The following BRPF3 variants were observed in gnomAD, a reference collection of about 807,000 sequenced individuals.
The protein encoded by BRPF3 is bromodomain and PHD finger containing 3.
BRPF3 carries 18 observed loss-of-function variants against 102.0 expected under a neutral mutation model. That is an observed-to-expected ratio of 0.18 (90% CI 0.12 to 0.26). The LOEUF is 0.26. Among genes scored for constraint, BRPF3 ranks in the 10% least tolerant of loss-of-function variants. The probability of loss-of-function intolerance (pLI) is 1.00; values close to 1 mark genes in which losing one functional copy is unlikely to be tolerated. For synonymous variants in BRPF3, 570 were observed against 614.2 expected, an observed-to-expected ratio of 0.93 and a Z score of 1.06; for missense variants, 1,147 against 1,567.8, an observed-to-expected ratio of 0.73 and a Z score of 4.53.
intron 10 of BRPF3, among the ~76,000 whole-genome samples, chr6:36,223,743 T>G (rs779186393): frequency 2.0e-5 from 3 of 152,248 alleles, no homozygotes; most frequent in Non-Finnish European, 2.9e-5. Context: ...GTTTCCGGCT[T>G]TTAGCATTAT....
At chr6:36,221,938 TC>T (rs1768559500) in intron 9 of BRPF3, among the ~76,000 whole-genome samples, 1 of 152,168 alleles carries the variant, frequency 6.6e-6, no homozygotes, top group African/African-American at 2.4e-5. Flanking sequence ...AGCAACTCCT[TC>T]CAGGTTCAGT....
Position 36,214,105 on chromosome 6 carries a change from G to A in BRPF3, c.2708G>A (p.Gly903Asp), listed in dbSNP as rs145189856. The A allele has an allele frequency of 2.1e-4, 343 of 1,614,100 alleles. No individual in the cohort carries two copies. Among genetic ancestry groups the A allele is most frequent in the Admixed American group, 4.7e-4 (28 of 60,010 alleles). The change falls in exon 8 of 13, where the codon GGC (glycine) becomes GAC (aspartate). Residue 903 changes from glycine (G) to aspartate (D), a missense_variant. Gly to Asp is a moderately conservative substitution (Grantham distance 94, BLOSUM62 -1). Coordinates refer to ENST00000357641, the MANE Select transcript of BRPF3 (RefSeq NM_015695.3). ...TTGCAACGCTTGCTCAGTGACAATG[G>A]CATCAACAGACTATCCCTCATGGCC... Reference protein sequence around the residue: ...EPLQRLLSDNGINRLSLMAPD... With the variant: ...EPLQRLLSDNDINRLSLMAPD...
At chr6:36,211,775 A>T (rs1768125746) in intron 7 of BRPF3, among the ~76,000 whole-genome samples, 1 of 152,228 alleles carries the variant, frequency 6.6e-6, no homozygotes, top group Non-Finnish European at 1.5e-5. Flanking sequence ...ATCTCAGTAG[A>T]TGTTGGCTGT....
At chr6:36,225,401 T>A in intron 11 of BRPF3, 37 bp downstream of exon 11, 1 of 1,550,984 alleles carries the variant, frequency 6.4e-7, no homozygotes, top group Non-Finnish European at 8.8e-7. Context: ...CTATCTCCCC[T>A]GCCTTGCCTT....
chr6:36,209,662 G>A (rs1768025597), intron 4 of BRPF3, 125 bp from the exon 5 acceptor site: 1 of 1,219,464 alleles, frequency 8.2e-7, no homozygotes. Flanking sequence ...CTCATATACT[G>A]GTCAGCTTAA....
At position 36,209,736 on chromosome 6, in the gene BRPF3, A is replaced by G. The variant is rs141485133; in HGVS notation, c.1738-51A>G. On this transcript the variant is annotated intron_variant, in intron 4 of 12. Transcript: ENST00000357641. ...CAAACTATCAAGAAAAAGTTTCAGT[A>G]CATCTTTGCAGGGGATGTTCTGATC... is the stretch of plus-strand genomic sequence containing the variant. The G allele has an allele frequency of 1.9e-4, 302 of 1,567,372 alleles. No individual in the cohort carries two copies. The African/African-American group carries it at 2.6e-3, about 14-fold the overall frequency.
intron 7 of BRPF3, among the ~76,000 whole-genome samples, chr6:36,212,901 C>T (rs1366414873): frequency 4.6e-5 from 7 of 151,438 alleles, no homozygotes; most frequent in East Asian, 1.9e-4. Flanking sequence ...TGCAGTGAGC[C>T]GAGATTGCGC....
At chr6:36,204,349 G>GT (rs1042114642) in intron 2 of BRPF3, 19 of 367,114 alleles carry the variant, frequency 5.2e-5, no homozygotes, top group African/African-American at 3.8e-4. Flanking sequence ...GCATAGGCTT[G>GT]TTTTTCAGTC....
rs761570581 is a variant in BRPF3 at position 36,225,247 on chromosome 6, C to T, written c.3182-20C>T. Reference sequence around the variant, plus strand: ...CCAAGTCCCCTTTGGGTGCTGTCTCCTCCCCTCCCCCACCCCCAGGCAGAA... The same window carrying T: ...CCAAGTCCCCTTTGGGTGCTGTCTCTTCCCCTCCCCCACCCCCAGGCAGAA... On this transcript the variant is annotated intron_variant, in intron 10 of 12. Coordinates refer to ENST00000357641, the MANE Select transcript of BRPF3 (RefSeq NM_015695.3). 2 of 1,599,062 alleles carry T rather than the reference C, an allele frequency of 1.3e-6. No homozygotes were observed.
At chr6:36,218,094 C>T (rs1768397058) in intron 9 of BRPF3, 84 bp downstream of exon 9, 1 of 1,209,818 alleles carries the variant, frequency 8.3e-7, no homozygotes, top group African/African-American at 1.5e-5. Context: ...GAACCTCTTC[C>T]TGCTTACCTT....
chr6:36,201,488 C>T lies in BRPF3; in HGVS notation c.1166C>T (p.Pro389Leu), dbSNP rs943527164. Residue 389 changes from proline to leucine, a missense_variant, in exon 2 of 13, where the codon CCA (proline) becomes CTA (leucine). This residue lies in a region of BRPF3 where 157 missense variants were observed against 163.6 expected (regional missense o/e 0.96). Transcript: ENST00000357641. The surrounding 1 kb of genome is among the most constrained non-coding windows in gnomAD (Gnocchi z 5.1). ...KTAYCEAHSPPGAATARRKGD... is the reference protein window; with the variant it reads ...KTAYCEAHSPLGAATARRKGD... ...GCCTACTGTGAGGCCCACTCGCCACCAGGTGCGGCCACTGCTAGGAGGAAG... is the reference window on the plus strand; with the variant it reads ...GCCTACTGTGAGGCCCACTCGCCACTAGGTGCGGCCACTGCTAGGAGGAAG... 5 of 1,614,200 alleles carry T rather than the reference C, an allele frequency of 3.1e-6. No homozygotes were observed. In the African/African-American group the frequency reaches 4.0e-5, roughly 13 times the overall value.
Position 36,210,686 on chromosome 6 carries a change from A to G in BRPF3, c.2179+158A>G, listed in dbSNP as rs1353827870. Among the ~76,000 whole-genome samples the G allele has an allele frequency of 6.6e-6, 1 of 152,216 alleles. No individual in the cohort carries two copies. Among genetic ancestry groups the G allele is most frequent in the Non-Finnish European group, 1.5e-5 (1 of 68,032 alleles). Reference sequence around the variant, plus strand: ...ACTGAGGTATACCTTTGTGGCTAGAATAGTTCTAAGGGTTAAAGTTTAACT... The same window carrying G: ...ACTGAGGTATACCTTTGTGGCTAGAGTAGTTCTAAGGGTTAAAGTTTAACT... On this transcript the variant is annotated intron_variant, in intron 6 of 12. Coordinates refer to ENST00000357641, the MANE Select transcript of BRPF3 (RefSeq NM_015695.3). The surrounding 1 kb of genome is among the most constrained non-coding windows in gnomAD (Gnocchi z 4.7).
intron 9 of BRPF3, 101 bp downstream of exon 9, chr6:36,218,111 T>C (rs1768397516): frequency 1.0e-6 from 1 of 1,004,472 alleles, no homozygotes; most frequent in Non-Finnish European, 1.5e-6. Context: ...CCTTTTTCTC[T>C]CTTCCCCCAC....
rs147221505 is a variant in BRPF3 at position 36,222,237 on chromosome 6, G to A, written c.3153G>A (p.Val1051=). The change falls in exon 10 of 13, where the codon GTG becomes GTA. Residue 1051 remains valine, a synonymous_variant. Coordinates refer to ENST00000357641, the MANE Select transcript of BRPF3 (RefSeq NM_015695.3). ...CTCGAGTGCCCTTCCTGGAAGGTGT[G>A]AACGGAGACTCTGACTACAATGGCT... ...ALSRVPFLEG[V]NGDSDYNGSG... is the part of the protein sequence containing the mutation. 2 of 1,550,042 alleles carry A rather than the reference G, an allele frequency of 1.3e-6. No homozygotes were observed. Among genetic ancestry groups the A allele is most frequent in the Non-Finnish European group, 8.7e-7 (1 of 1,147,156 alleles).
intron 10 of BRPF3, 78 bp downstream of exon 10, chr6:36,222,343 G>A (rs1377239327): frequency 2.9e-6 from 4 of 1,368,176 alleles, no homozygotes; most frequent in Non-Finnish European, 4.1e-6. Context: ...TGCACTGCTG[G>A]GGCTCCGTAC....
intron 2 of BRPF3, among the ~76,000 whole-genome samples, chr6:36,202,882 G>GGGGAAAGA (rs1767766963): frequency 2.0e-5 from 3 of 152,278 alleles, no homozygotes; most frequent in Non-Finnish European, 4.4e-5. Context: ...AAGGAGTGCT[G>GGGGAAAGA]GGGAAAGAGT....
chr6:36,211,873 GT>G (rs1415841181), intron 7 of BRPF3, among the ~76,000 whole-genome samples: 1 of 152,200 alleles, frequency 6.6e-6, no homozygotes, highest in East Asian at 1.9e-4. Flanking sequence ...CCCAGCAGCT[GT>G]TTATTAGCCA....
intron 8 of BRPF3, among the ~76,000 whole-genome samples, chr6:36,216,553 A>C (rs1372548989): frequency 6.6e-6 from 1 of 152,234 alleles, no homozygotes; most frequent in Non-Finnish European, 1.5e-5. Flanking sequence ...AATTGTGGTC[A>C]TAATGTTAGA....
At position 36,201,389 on chromosome 6, in the gene BRPF3, C is replaced by G. The variant is rs561103333; in HGVS notation, c.1067C>G (p.Ala356Gly). The G allele has an allele frequency of 6.2e-7, 1 of 1,614,174 alleles. No homozygotes were observed. Among genetic ancestry groups the G allele is most frequent in the East Asian group, 2.2e-5 (1 of 44,882 alleles). ...TAFHVTCAQRAGLFMKIEPMR... is the reference protein window; with the variant it reads ...TAFHVTCAQRGGLFMKIEPMR... ...TTCCATGTGACATGTGCACAGCGGGCTGGGCTCTTCATGAAGATTGAGCCC... is the reference window on the plus strand; with the variant it reads ...TTCCATGTGACATGTGCACAGCGGGGTGGGCTCTTCATGAAGATTGAGCCC... The change falls in exon 2 of 13, where the codon GCT becomes GGT. Residue 356 changes from alanine (A) to glycine (G), a missense_variant. By Grantham distance (60) the Ala-to-Gly change is moderately conservative. Around this residue, in one of 11 missense-constraint regions of BRPF3, gnomAD observed 44 missense variants for 101.4 expected, o/e 0.43. Transcript: ENST00000357641. The surrounding 1 kb of genome is among the most constrained non-coding windows in gnomAD (Gnocchi z 5.1).
Sources: allele counts gnomAD v4.1 joint callset (sites outside exome capture counted in the v4.1 genomes callset), GRCh38; gene constraint gnomAD v4.1.1; regional missense constraint gnomAD v4.1.1; non-coding constraint Gnocchi (gnomAD v3.1); transcripts MANE v1.5; gene names NCBI Gene and HGNC (gene_info 2026-07-23, HGNC 2026-07-21).